The following FBN3 variants were observed in gnomAD, a reference collection of about 807,000 sequenced individuals.
The protein encoded by FBN3 is fibrillin 3, also known as fibrillin-3.
In FBN3, 234 loss-of-function variants were observed where a neutral mutation model predicts 330.1. That is an observed-to-expected ratio of 0.71 (90% CI 0.64 to 0.79). FBN3 has a LOEUF of 0.79. FBN3 is among the 30% of genes least tolerant of loss of function. The probability of loss-of-function intolerance (pLI) is 0.00; values close to 1 mark genes in which losing one functional copy is unlikely to be tolerated. For synonymous variants in FBN3, 1,458 were observed against 1,517.3 expected (o/e 0.96, Z 0.91); for missense variants, 3,606 against 3,886.9 (o/e 0.93, Z 1.92).
chr19:8,075,138 C>T lies in FBN3; in HGVS notation c.7635G>A (p.Gln2545=). 1 of 1,581,210 alleles carries T rather than the reference C, an allele frequency of 6.3e-7. No individual in the cohort carries two copies. The highest frequency in any genetic ancestry group is 8.6e-7 in the Non-Finnish European group (1 of 1,163,074). The change falls in exon 61 of 64, where the codon CAG becomes CAA. Residue 2545 remains glutamine, a synonymous_variant. Transcript: ENST00000600128. ...GGCAGCTGCAGCGGTAGCCCCCTAG[C>T]TGGTTCTGACAGCCATGCTGGCAGC... ...PHRCQHGCQN[Q]LGGYRCSCPQ... is the part of the protein sequence containing the mutation.
intron 13 of FBN3, 25 bp downstream of exon 13, chr19:8,135,936 G>GCCA: frequency 3.0e-6 from 2 of 668,778 alleles, no homozygotes; most frequent in South Asian, 1.6e-5. Flanking sequence ...GGAAGCCCCT[G>GCCA]CCCACCCGCC....
At chr19:8,120,344 T>C (rs565137270) in intron 25 of FBN3, among the ~76,000 whole-genome samples, 2 of 151,696 alleles carry the variant, frequency 1.3e-5, no homozygotes, top group African/African-American at 4.8e-5. Flanking sequence ...TAATTTTTTG[T>C]ATTTTAATAG....
chr19:8,095,954 G>A lies in FBN3; in HGVS notation c.5656+10C>T, dbSNP rs749017980. 8.8e-6 allele frequency: 14 copies of A among 1,584,642 alleles called. No homozygotes were observed. In the East Asian group the frequency reaches 1.1e-4, roughly 13 times the overall value. On this transcript the variant is annotated intron_variant, in intron 45 of 63. Transcript: ENST00000600128. Reference sequence around the variant, plus strand: ...ACTTTGTGGCCAGCCTGCCACCTGAGCCGACTCACCCACACAATCCCCATT... The same window carrying A: ...ACTTTGTGGCCAGCCTGCCACCTGAACCGACTCACCCACACAATCCCCATT...
chr19:8,068,390 C>A (rs79491828), intron 63 of FBN3, among the ~76,000 whole-genome samples: 35 of 137,224 alleles, frequency 2.6e-4, no homozygotes, highest in South Asian at 2.4e-4. Flanking sequence ...GACTCCGTCT[C>A]AAAAAAAAAA....
Position 8,135,944 on chromosome 19 carries a change from G to T in FBN3, c.1591+17C>A, listed in dbSNP as rs539694267. On this transcript the variant is annotated intron_variant, in intron 13 of 63. Coordinates refer to ENST00000600128, the MANE Select transcript of FBN3 (RefSeq NM_032447.5). ...GGGGCCCGGAAGCCCCTGCCCACCC[G>T]CCCACCCCCAACTCACCCACACAGT... 8.2e-5 allele frequency: 83 copies of T among 1,017,488 alleles called. No individual in the cohort carries two copies. The highest frequency in any genetic ancestry group is 9.1e-5 in the Non-Finnish European group (75 of 820,258). The allele number at this position is 1,017,488 out of a possible 1,614,324, so 63.0% of individuals were successfully genotyped here.
At chr19:8,094,613 G>T in intron 46 of FBN3, 48 bp from the exon 47 acceptor site, 1 of 1,583,728 alleles carries the variant, frequency 6.3e-7, no homozygotes, top group South Asian at 1.2e-5. Context: ...GGATGCAGGG[G>T]GCTCACTTGG....
intron 59 of FBN3, among the ~76,000 whole-genome samples, chr19:8,080,682 G>A (rs1321693509): frequency 6.6e-6 from 1 of 151,996 alleles, no homozygotes; most frequent in Non-Finnish European, 1.5e-5. Context: ...GCAGTGGCAT[G>A]ATCTCAGCTC....
intron 6 of FBN3, among the ~76,000 whole-genome samples, chr19:8,143,485 T>C (rs1416221538): frequency 7.8e-6 from 1 of 127,850 alleles, no homozygotes; most frequent in Non-Finnish European, 1.6e-5. Context: ...TTCTCCTTTT[T>C]TCTTTTCTTT....
chr19:8,094,861 G>A lies in FBN3; in HGVS notation c.5786-296C>T, dbSNP rs547501200. 6.6e-5 allele frequency among the ~76,000 whole-genome samples: 10 copies of A among 152,208 alleles called. No homozygotes were observed. In the East Asian group the frequency reaches 9.7e-4, roughly 15 times the overall value. The stretch of plus-strand genomic sequence containing the variant: ...ATTCCTTCCATGGTATCTATTTAGC[G>A]CTTCTACTATTCTTTGCTTCTGGAA... On this transcript the variant is annotated intron_variant, in intron 46 of 63. Coordinates refer to ENST00000600128, the MANE Select transcript of FBN3 (RefSeq NM_032447.5).
chr19:8,088,265 C>G, intron 51 of FBN3, 86 bp from the exon 52 acceptor site: 1 of 1,489,042 alleles, frequency 6.7e-7, no homozygotes, highest in Non-Finnish European at 9.0e-7. Context: ...TTGACCACCA[C>G]AGATCGGAGG....
intron 14 of FBN3, among the ~76,000 whole-genome samples, chr19:8,132,326 G>T (rs1599421344): frequency 6.6e-6 from 1 of 151,856 alleles, no homozygotes; most frequent in East Asian, 1.9e-4. Flanking sequence ...GGGATTACAG[G>T]TGCATGCTAC....
chr19:8,073,385 G>GT, intron 61 of FBN3, 88 bp from the exon 62 acceptor site: 1 of 1,096,122 alleles, frequency 9.1e-7, no homozygotes, highest in South Asian at 1.5e-5. Flanking sequence ...CTGGAATGCT[G>GT]TATGTTCAGA....
intron 55 of FBN3, among the ~76,000 whole-genome samples, chr19:8,085,800 G>A (rs1389812100): frequency 6.6e-6 from 1 of 152,006 alleles, no homozygotes; most frequent in African/African-American, 2.4e-5. Flanking sequence ...CAGTAAGTTG[G>A]AGGAGGCATG....
intron 63 of FBN3, among the ~76,000 whole-genome samples, chr19:8,068,307 C>A (rs1404385100): frequency 6.6e-6 from 1 of 151,220 alleles, no homozygotes; most frequent in Non-Finnish European, 1.5e-5. Flanking sequence ...AGGAGAATGG[C>A]ATGAACCCAG....
At chr19:8,075,527 C>T (rs2081620710) in intron 59 of FBN3, 116 bp from the exon 60 acceptor site, 2 of 1,013,822 alleles carry the variant, frequency 2.0e-6, no homozygotes, top group African/African-American at 1.6e-5. Context: ...CCTCTCTGTG[C>T]CTGTTTCCCA....
At chr19:8,107,330 G>C (rs111067251) in intron 37 of FBN3, among the ~76,000 whole-genome samples, 33,533 of 142,630 alleles carry the variant, frequency 0.24, 4,792 homozygotes, top group East Asian at 0.48. Flanking sequence ...GGGATAAATG[G>C]GTGAATGGAT....
At position 8,135,988 on chromosome 19, in the gene FBN3, G is replaced by A; in HGVS notation, c.1564C>T (p.Leu522Phe). ...FQCVCNAGFE[L>F]SPDGKNCVDH... is the part of the protein sequence containing the mutation. ...ACACAGTTCTTGCCGTCAGGGCTGA[G>A]CTCGAAGCCTGCATTGCAGACACAC... Residue 522 changes from leucine (L) to phenylalanine (F), a missense_variant, in exon 13 of 64, where the codon CTC (leucine) becomes TTC (phenylalanine). Coordinates refer to ENST00000600128, the MANE Select transcript of FBN3 (RefSeq NM_032447.5). 1 of 1,363,306 alleles carries A rather than the reference G, an allele frequency of 7.3e-7. No individual in the cohort carries two copies. Among genetic ancestry groups the A allele is most frequent in the Non-Finnish European group, 9.7e-7 (1 of 1,027,774 alleles). 84.5% of individuals were successfully genotyped at this position (1,363,306 alleles called of 1,614,324 possible).
In FBN3 at chr19:8,121,291, C is replaced by T. The variant is rs1261131100; in HGVS notation, c.3178G>A (p.Glu1060Lys). Residue 1060 changes from glutamate (E) to lysine (K), a missense_variant, in exon 25 of 64, where the codon GAG becomes AAG. By Grantham distance (56) the Glu-to-Lys change is moderately conservative. Coordinates refer to ENST00000600128, the MANE Select transcript of FBN3 (RefSeq NM_032447.5). The surrounding 1 kb of genome is among the most constrained non-coding windows in gnomAD (Gnocchi z 4.5). ...SFECECFPGYESGFMLMKNCM... is the reference protein window; with the variant it reads ...SFECECFPGYKSGFMLMKNCM... ...TTCTTCATCAGCATGAAGCCACTCT[C>T]GTAGCCGGGAAAACACTCGCACTCA... 7.4e-6 allele frequency: 12 copies of T among 1,612,362 alleles called. No homozygotes were observed. The highest frequency in any genetic ancestry group is 9.3e-6 in the Non-Finnish European group (11 of 1,179,074).
chr19:8,066,514 T>C (rs2081394278), intron 63 of FBN3, among the ~76,000 whole-genome samples: 1 of 152,000 alleles, frequency 6.6e-6, no homozygotes, highest in Non-Finnish European at 1.5e-5. Context: ...GAGCTAAAAA[T>C]TGCATACCCA....
Sources: gnomAD v4.1 joint callset for allele counts (sites outside exome capture counted in the v4.1 genomes callset) on GRCh38, gnomAD v4.1.1 for gene constraint, Gnocchi (gnomAD v3.1) non-coding constraint, MANE v1.5 for transcripts, NCBI Gene and HGNC (gene_info 2026-07-23, HGNC 2026-07-21) for gene names.